ICE2: variants seen among roughly 807,000 people sequenced by gnomAD.
ICE2 encodes interactor of little elongation complex ELL subunit 2.
In ICE2, 87 loss-of-function variants were observed where a neutral mutation model predicts 105.4. That is an observed-to-expected ratio of 0.83 (90% CI 0.69 to 0.99). The LOEUF (loss-of-function observed/expected upper bound fraction) is 0.99, where lower values mean the gene tolerates loss of function less well. ICE2 is among the 50% of genes least tolerant of loss of function. The probability of loss-of-function intolerance (pLI) is 0.00; values close to 1 mark genes in which losing one functional copy is unlikely to be tolerated. For missense variants in ICE2, 1,323 were observed against 1,146.7 expected (o/e 1.15, Z -2.22); for synonymous variants, 399 against 392.0 (o/e 1.02, Z -0.21).
chr15:60,456,612 AT>A (rs776249029), intron 6 of ICE2, 44 bp downstream of exon 6: 1 of 1,146,804 alleles, frequency 8.7e-7, no homozygotes, highest in Admixed American at 2.6e-5. Context: ...CACACACACT[AT>A]TTCAGACAAA....
chr15:60,471,088 T>G (rs1020727412), intron 3 of ICE2, among the ~76,000 whole-genome samples: 7 of 152,136 alleles, frequency 4.6e-5, no homozygotes, highest in Admixed American at 3.9e-4. Flanking sequence ...TTTAGAAATA[T>G]GTAGGTCCCC....
At chr15:60,433,115 C>T (rs1413534199) in intron 13 of ICE2, among the ~76,000 whole-genome samples, 8 of 150,852 alleles carry the variant, frequency 5.3e-5, no homozygotes, top group Admixed American at 1.3e-4. Context: ...GACAGAGTCT[C>T]GCTCTGTCGC....
intron 12 of ICE2, 148 bp downstream of exon 12, chr15:60,442,268 G>A: frequency 1.0e-5 from 7 of 671,340 alleles, no homozygotes. Flanking sequence ...ACTCCAGCCT[G>A]GGCAACAGAA....
rs2063251852 is a variant in ICE2, at chr15:60,422,501, G to C, written c.*1133C>G. 6.6e-6 allele frequency: 1 copy of C among 152,026 alleles called. No individual in the cohort carries two copies. Among genetic ancestry groups the C allele is most frequent in the African/African-American group, 2.4e-5 (1 of 41,374 alleles). 9.4% of individuals were successfully genotyped at this position (152,026 alleles called of 1,614,324 possible). On this transcript the variant is annotated 3_prime_UTR_variant, in exon 16 of 16. Coordinates refer to ENST00000261520, the MANE Select transcript of ICE2 (RefSeq NM_024611.6). The stretch of plus-strand genomic sequence containing the variant: ...ATGCCCTTTTCCAAATTCATCTGCA[G>C]GCCCGGAAAATTTAAATCAATCAGT...
rs376881607 is a variant in ICE2 at position 60,447,954 on chromosome 15, G to A, written c.2295+16C>T. On this transcript the variant is annotated intron_variant, in intron 11 of 15. Transcript: ENST00000261520. ...ATTTATGTGATCATATTCTAACTCC[G>A]CAAATAACAACTTACTCTTCTGATT... The A allele has an allele frequency of 1.3e-5, 21 of 1,593,868 alleles. No homozygotes were observed. The highest frequency in any genetic ancestry group is 2.3e-5 in the South Asian group (2 of 88,202).
Position 60,431,887 on chromosome 15 carries a change from C to T in ICE2, c.2561+47G>A, listed in dbSNP as rs559974146. 71 of 1,048,214 alleles carry T rather than the reference C, an allele frequency of 6.8e-5. 1 individual carries two copies. In the South Asian group the frequency reaches 9.6e-4, roughly 14 times the overall value. The allele number at this position is 1,048,214 out of a possible 1,614,324, so 64.9% of individuals were successfully genotyped here. Reference sequence around the variant, plus strand: ...TTTCAAAGTTTCTAAGAATTTTCATCTAAGAAAATCAGATGTATCAAAGCA... The same window carrying T: ...TTTCAAAGTTTCTAAGAATTTTCATTTAAGAAAATCAGATGTATCAAAGCA... On this transcript the variant is annotated intron_variant, in intron 14 of 15. Transcript: ENST00000261520.
chr15:60,471,058 C>T (rs2064579880), intron 3 of ICE2, among the ~76,000 whole-genome samples: 1 of 151,914 alleles, frequency 6.6e-6, no homozygotes, highest in Non-Finnish European at 1.5e-5. Flanking sequence ...GGCAAAAATT[C>T]CAAAAGATGA....
chr15:60,427,269 A>G (rs766995326), intron 15 of ICE2, among the ~76,000 whole-genome samples: 1 of 152,258 alleles, frequency 6.6e-6, no homozygotes, highest in African/African-American at 2.4e-5. Flanking sequence ...GGAAGAATAC[A>G]CAAGTGATAG....
intron 9 of ICE2, chr15:60,452,520 T>C (rs74017202): frequency 0.021 from 3,358 of 157,856 alleles, 141 homozygotes; most frequent in African/African-American, 0.077. Flanking sequence ...CTGCCACTTA[T>C]TTAAGGTCTG....
chr15:60,466,180 G>A (rs1306470791), intron 5 of ICE2, among the ~76,000 whole-genome samples: 3 of 152,188 alleles, frequency 2.0e-5, no homozygotes, highest in Non-Finnish European at 4.4e-5. Flanking sequence ...TGAACTCAGA[G>A]TTGAAATTTA....
chr15:60,428,773 T>C (rs1305946829), intron 14 of ICE2, 86 bp from the exon 15 acceptor site: 10 of 1,380,608 alleles, frequency 7.2e-6, no homozygotes, highest in African/African-American at 5.8e-5. Flanking sequence ...TTAGTAAAAT[T>C]GAAAATTATG....
chr15:60,466,585 T>C lies in ICE2; in HGVS notation c.528+9A>G. 6.3e-7 allele frequency: 1 copy of C among 1,588,084 alleles called. No homozygotes were observed. On this transcript the variant is annotated intron_variant, in intron 5 of 15. Coordinates refer to ENST00000261520, the MANE Select transcript of ICE2 (RefSeq NM_024611.6). ...TCGCAATTTACACAAATGTGAGTTG[T>C]TTTTTTACCTCTGTGAAGAGACGGG...
intron 3 of ICE2, among the ~76,000 whole-genome samples, chr15:60,475,721 T>C (rs2064742069): frequency 6.6e-6 from 1 of 152,164 alleles, no homozygotes. Context: ...ATAAACAGTA[T>C]ACTGCTTAGT....
chr15:60,442,092 C>A (rs913945514), intron 12 of ICE2: 1 of 184,752 alleles, frequency 5.4e-6, no homozygotes, highest in Admixed American at 6.3e-5. Context: ...GCTAGAAGTT[C>A]AAGACCAGTC....
At chr15:60,460,233 C>T (rs905369312) in intron 5 of ICE2, among the ~76,000 whole-genome samples, 4 of 152,184 alleles carry the variant, frequency 2.6e-5, no homozygotes, top group African/African-American at 9.7e-5. Flanking sequence ...GTGGCTCACA[C>T]CTGTAATCCC....
chr15:60,450,942 G>T (rs2141070217), intron 9 of ICE2, among the ~76,000 whole-genome samples: 1 of 151,988 alleles, frequency 6.6e-6, no homozygotes, highest in African/African-American at 2.4e-5. Flanking sequence ...TACACAAAAA[G>T]GTTAAAAACA....
intron 5 of ICE2, among the ~76,000 whole-genome samples, chr15:60,465,212 G>C (rs570659861): frequency 3.4e-4 from 51 of 151,116 alleles, no homozygotes; most frequent in Non-Finnish European, 7.2e-4. Context: ...CTTTTTCTGA[G>C]ACAGGGTCAC....
At chr15:60,424,420 A>ACGGGCAAAGGGGAAGAGGGGGATTAGAG (rs1595730798) in intron 15 of ICE2, among the ~76,000 whole-genome samples, 2 of 149,448 alleles carry the variant, frequency 1.3e-5, no homozygotes, top group East Asian at 4.0e-4. Flanking sequence ...AATACAGAGG[A>ACGGGCAAAGGGGAAGAGGGGGATTAGAG]TGGGGGAAGG....
chr15:60,445,130 G>T (rs759789414), intron 11 of ICE2, among the ~76,000 whole-genome samples: 1 of 152,190 alleles, frequency 6.6e-6, no homozygotes, highest in Non-Finnish European at 1.5e-5. Context: ...TTGAAGAACT[G>T]AGGAAAAATA....
Sources: allele counts gnomAD v4.1 joint callset (sites outside exome capture counted in the v4.1 genomes callset), GRCh38; gene constraint gnomAD v4.1.1; transcripts MANE v1.5; gene names NCBI Gene and HGNC (gene_info 2026-07-23, HGNC 2026-07-21).